The following CPQ variants were observed in gnomAD, a reference collection of about 807,000 sequenced individuals.
The protein encoded by CPQ is Ser-Met dipeptidase.
A neutral mutation model predicts 45.7 loss-of-function variants in CPQ; 37 were observed. That is an observed-to-expected ratio of 0.81 (90% CI 0.62 to 1.07). The LOEUF is 1.07. CPQ is among the 50% of genes least tolerant of loss of function. The probability of loss-of-function intolerance (pLI) is 0.00; values close to 1 mark genes in which losing one functional copy is unlikely to be tolerated. For missense variants in CPQ, 537 were observed against 572.9 expected (o/e 0.94, Z 0.64); for synonymous variants, 186 against 205.8 (o/e 0.90, Z 0.82).
intron 5 of CPQ, among the ~76,000 whole-genome samples, chr8:97,009,475 G>A (rs1203463826): frequency 6.6e-6 from 1 of 152,168 alleles, no homozygotes; most frequent in Non-Finnish European, 1.5e-5. Context: ...GGCAGGAGGT[G>A]CAGGAACTGA....
At chr8:96,707,231 C>T (rs1299814351) in intron 1 of CPQ, among the ~76,000 whole-genome samples, 1 of 152,068 alleles carries the variant, frequency 6.6e-6, no homozygotes, top group Non-Finnish European at 1.5e-5. Context: ...TTTCTATGCA[C>T]TGCCCAATAC....
intron 7 of CPQ, among the ~76,000 whole-genome samples, chr8:97,135,534 A>AAAT (rs1008802342): frequency 6.6e-6 from 1 of 152,166 alleles, no homozygotes. Flanking sequence ...ATGTTGCTGA[A>AAAT]AATAATAATA....
At chr8:96,767,989 C>T (rs765580592) in intron 1 of CPQ, among the ~76,000 whole-genome samples, 24 of 152,022 alleles carry the variant, frequency 1.6e-4, no homozygotes, top group Non-Finnish European at 2.5e-4. Context: ...CACCTCCAGC[C>T]TGGGATGTGG....
intron 2 of CPQ, among the ~76,000 whole-genome samples, chr8:96,801,142 T>C (rs546354174): frequency 3.9e-5 from 6 of 151,902 alleles, no homozygotes; most frequent in Non-Finnish European, 7.4e-5. Context: ...CGCCCAGCTA[T>C]TTTTTGTATT....
At chr8:97,038,790 A>G (rs1456157660) in intron 6 of CPQ, among the ~76,000 whole-genome samples, 1 of 148,752 alleles carries the variant, frequency 6.7e-6, no homozygotes, top group Admixed American at 6.8e-5. Flanking sequence ...AACTAGACAA[A>G]TGAGTATGGC....
In CPQ at chr8:96,807,304, C is replaced by G. The variant is rs554985312; in HGVS notation, c.433+21974C>G. Among the ~76,000 whole-genome samples the G allele has an allele frequency of 9.2e-5, 14 of 152,080 alleles. 1 individual carries two copies. In the South Asian group the frequency reaches 2.9e-3, roughly 32 times the overall value. ...AGGCTGGAGTGCAGTGGTGCAATCT[C>G]CTCACTGCAAGCTCTGCCTCCCAGG... On this transcript the variant is annotated intron_variant, in intron 2 of 7. Transcript: ENST00000220763.
intron 7 of CPQ, among the ~76,000 whole-genome samples, chr8:97,096,043 AG>A (rs1811205730): frequency 6.6e-6 from 1 of 151,500 alleles, no homozygotes; most frequent in African/African-American, 2.4e-5. Context: ...GTGAAATTAT[AG>A]TTGTGGTGGG....
chr8:96,720,610 T>C (rs570257381), intron 1 of CPQ, among the ~76,000 whole-genome samples: 4 of 152,308 alleles, frequency 2.6e-5, no homozygotes, highest in South Asian at 2.1e-4. Flanking sequence ...TTTCTTGGAC[T>C]AGTTTAGTCT....
At chr8:96,822,823 C>A (rs1459373720) in intron 2 of CPQ, among the ~76,000 whole-genome samples, 1 of 152,054 alleles carries the variant, frequency 6.6e-6, no homozygotes, top group Non-Finnish European at 1.5e-5. Flanking sequence ...TAAAATCCTT[C>A]AGTTTTTCAG....
At chr8:96,947,640 A>C (rs1676625518) in intron 4 of CPQ, among the ~76,000 whole-genome samples, 1 of 152,114 alleles carries the variant, frequency 6.6e-6, no homozygotes, top group African/African-American at 2.4e-5. Flanking sequence ...TGCTATTGGG[A>C]TTTTGATAGG....
At chr8:96,863,629 A>C (rs562411338) in intron 3 of CPQ, among the ~76,000 whole-genome samples, 84 of 152,184 alleles carry the variant, frequency 5.5e-4, no homozygotes, top group African/African-American at 1.9e-3. Flanking sequence ...GAATGTACTG[A>C]TTATATGCAT....
chr8:97,040,286 G>A (rs1380576626), intron 6 of CPQ, among the ~76,000 whole-genome samples: 1 of 152,168 alleles, frequency 6.6e-6, no homozygotes, highest in East Asian at 1.9e-4. Flanking sequence ...GTCTTCTTTT[G>A]AGAAGTGTCT....
chr8:96,757,315 T>G (rs904430028), intron 1 of CPQ, among the ~76,000 whole-genome samples: 3 of 150,602 alleles, frequency 2.0e-5, no homozygotes, highest in African/African-American at 7.3e-5. Context: ...CACGCCACTG[T>G]ACTCCAGCAT....
At chr8:96,727,786 T>A (rs1809863208) in intron 1 of CPQ, among the ~76,000 whole-genome samples, 1 of 152,184 alleles carries the variant, frequency 6.6e-6, no homozygotes, top group Non-Finnish European at 1.5e-5. Flanking sequence ...GGGACTGTGG[T>A]GGCCTGATGA....
chr8:96,903,810 A>T (rs1812542687), intron 4 of CPQ, among the ~76,000 whole-genome samples: 1 of 152,190 alleles, frequency 6.6e-6, no homozygotes, highest in East Asian at 1.9e-4. Flanking sequence ...GAAGTTATCT[A>T]GAGCAGAGGA....
intron 1 of CPQ, among the ~76,000 whole-genome samples, chr8:96,648,567 A>T (rs1815542628): frequency 6.6e-6 from 1 of 152,178 alleles, no homozygotes; most frequent in African/African-American, 2.4e-5. Context: ...TAATTTCAAT[A>T]ACCATTTATT....
intron 2 of CPQ, among the ~76,000 whole-genome samples, chr8:96,833,255 A>G (rs1415043638): frequency 6.6e-6 from 1 of 152,158 alleles, no homozygotes; most frequent in Non-Finnish European, 1.5e-5. Context: ...TGGTGTCTAG[A>G]TTAGGTTTTG....
intron 1 of CPQ, among the ~76,000 whole-genome samples, chr8:96,648,857 G>A (rs1351594182): frequency 6.6e-6 from 1 of 152,250 alleles, no homozygotes; most frequent in African/African-American, 2.4e-5. Flanking sequence ...CATTCTTCAG[G>A]AGATGGGAGT....
chr8:96,992,347 C>T (rs909324131), intron 5 of CPQ, among the ~76,000 whole-genome samples: 22 of 152,100 alleles, frequency 1.4e-4, no homozygotes, highest in African/African-American at 5.3e-4. Context: ...GAAAGCAGGG[C>T]CTTTAGCATC....
Sources: gnomAD v4.1 joint callset for allele counts (sites outside exome capture counted in the v4.1 genomes callset) on GRCh38, gnomAD v4.1.1 for gene constraint, MANE v1.5 for transcripts, NCBI Gene and HGNC (gene_info 2026-07-23, HGNC 2026-07-21) for gene names.